The following CACNG6 variants were observed in gnomAD, a reference collection of about 807,000 sequenced individuals.
CACNG6 encodes the protein calcium voltage-gated channel auxiliary subunit gamma 6, also known as voltage-dependent calcium channel gamma-6 subunit.
A neutral mutation model predicts 23.9 loss-of-function variants in CACNG6; 21 were observed. The ratio of observed to expected loss-of-function variants is 0.88; its 90% CI spans 0.62 to 1.26. The LOEUF (loss-of-function observed/expected upper bound fraction) is 1.26. Ranked by LOEUF, CACNG6 falls within the 50% of genes most tolerant of loss-of-function variation. CACNG6 has a pLI of 0.00. For synonymous variants in CACNG6, 182 were observed against 168.9 expected (o/e 1.08, Z -0.60); for missense variants, 340 against 352.9 (o/e 0.96, Z 0.29).
At chr19:54,010,036 C>CT (rs199976621) in intron 3 of CACNG6, among the ~76,000 whole-genome samples, 8,202 of 97,492 alleles carry the variant, frequency 0.084, 623 homozygotes, top group African/African-American at 0.22. Flanking sequence ...TATTTCTTTT[C>CT]TTTCTTTTTT....
At chr19:54,008,344 T>A (rs1160605411) in intron 3 of CACNG6, among the ~76,000 whole-genome samples, 1 of 151,944 alleles carries the variant, frequency 6.6e-6, no homozygotes, top group Non-Finnish European at 1.5e-5. Context: ...CAGAGTGAGA[T>A]TCCGACTCAA....
chr19:53,997,898 C>G (rs2145955958), intron 1 of CACNG6, among the ~76,000 whole-genome samples: 1 of 152,214 alleles, frequency 6.6e-6, no homozygotes, highest in South Asian at 2.1e-4. Flanking sequence ...AAGTGATTAT[C>G]CATATGTAAT....
Position 53,993,139 on chromosome 19 carries a change from A to AC in CACNG6, c.264dup (p.Lys89GlnfsTer30). 7.1e-6 allele frequency: 11 copies of AC among 1,548,156 alleles called. No individual in the cohort carries two copies. The highest frequency in any genetic ancestry group is 9.6e-6 in the Non-Finnish European group (11 of 1,146,146). ...CCACCTGGGGCTGTGGAAGGCGTGC[A>AC]CCAAGCGGCTGTGGCAGGCGGACGT... On this transcript the variant is annotated frameshift_variant, in exon 1 of 4. Transcript: ENST00000252729. LOFTEE classifies it high-confidence loss of function.
At chr19:54,009,140 T>C (rs1298588175) in intron 3 of CACNG6, among the ~76,000 whole-genome samples, 1 of 151,730 alleles carries the variant, frequency 6.6e-6, no homozygotes, top group South Asian at 2.1e-4. Flanking sequence ...AATACAAAAA[T>C]TGCCGGGCGC....
intron 3 of CACNG6, among the ~76,000 whole-genome samples, chr19:54,001,789 GT>G (rs1206678298): frequency 6.6e-6 from 1 of 152,178 alleles, no homozygotes; most frequent in African/African-American, 2.4e-5. Flanking sequence ...GGAGACTGGT[GT>G]AAAAGATGTC....
At chr19:54,005,819 G>A (rs927990863) in intron 3 of CACNG6, among the ~76,000 whole-genome samples, 12 of 148,716 alleles carry the variant, frequency 8.1e-5, no homozygotes, top group African/African-American at 2.2e-4. Flanking sequence ...AACCAGGCGC[G>A]GTGGCTCACT....
At chr19:53,993,650 C>T (rs553731724) in intron 1 of CACNG6, among the ~76,000 whole-genome samples, 8 of 151,528 alleles carry the variant, frequency 5.3e-5, no homozygotes, top group South Asian at 2.1e-4. Flanking sequence ...TCCTGTACCC[C>T]GACTATCCTG....
In CACNG6 at chr19:53,992,942, G is replaced by A. The variant is rs534917640; in HGVS notation, c.65G>A (p.Arg22Gln). ...CGGCGGGGGGCCGCGGGCCGGCGGC[G>A]GGCGCACGGGCAGGGCAGGTCGGGG... is the stretch of plus-strand genomic sequence containing the variant. Reference protein sequence around the residue: ...NRRRGAAGRRRAHGQGRSGLT... With the variant: ...NRRRGAAGRRQAHGQGRSGLT... Residue 22 changes from arginine (R) to glutamine (Q), a missense_variant, in exon 1 of 4, where the codon CGG becomes CAG. Arg to Gln is a conservative substitution (Grantham distance 43, BLOSUM62 1). Coordinates refer to ENST00000252729, the MANE Select transcript of CACNG6 (RefSeq NM_145814.2). This position sits in a 1 kb window ranked among gnomAD's most constrained non-coding sequence, Gnocchi z 4.1. 7.3e-7 allele frequency: 1 copy of A among 1,374,978 alleles called. No homozygotes were observed. Among genetic ancestry groups the A allele is most frequent in the Non-Finnish European group, 9.4e-7 (1 of 1,066,434 alleles). The allele number at this position is 1,374,978 out of a possible 1,614,324, so 85.2% of individuals were successfully genotyped here.
Position 54,002,275 on chromosome 19 carries a change from G to GTTTTTTTTTT in CACNG6, c.544+2512_544+2513insTTTTTTTTTT, listed in dbSNP as rs1174799698. On this transcript the variant is annotated intron_variant, in intron 3 of 3. Coordinates refer to ENST00000252729, the MANE Select transcript of CACNG6 (RefSeq NM_145814.2). Reference sequence around the variant, plus strand: ...AGCCCGGCTAATTTTCGGTTTTTTTGTTTTTTTTGTTTTTTTTTTTTTTGT... The same window carrying GTTTTTTTTTT: ...AGCCCGGCTAATTTTCGGTTTTTTTGTTTTTTTTTTTTTTTTTTGTTTTTTTTTTTTTTGT... Among the ~76,000 whole-genome samples the GTTTTTTTTTT allele has an allele frequency of 2.7e-3, 316 of 116,350 alleles. 12 individuals are homozygous for GTTTTTTTTTT. Among genetic ancestry groups the GTTTTTTTTTT allele is most frequent in the African/African-American group, 0.012 (264 of 21,532 alleles). 76.3% of individuals were successfully genotyped at this position (116,350 alleles called of 152,430 possible). A position where few individuals can be genotyped will look rare whatever the true frequency, so the allele number is the denominator to read the frequency against.
In CACNG6 at chr19:54,000,586, T is replaced by C. The variant is rs79746668; in HGVS notation, c.544+815T>C. Among the ~76,000 whole-genome samples, 763 of 152,250 alleles carry C rather than the reference T, an allele frequency of 5.0e-3. 19 individuals carry two copies. The East Asian group carries it at 0.053, about 11-fold the overall frequency. On this transcript the variant is annotated intron_variant, in intron 3 of 3. Transcript: ENST00000252729. ...CTTACTATCCCCCATTTTATTTACT[T>C]ATTTATTTTTGAGACAGAGTCTCCC...
intron 3 of CACNG6, 69 bp downstream of exon 3, chr19:53,999,840 T>C (rs1213135854): frequency 3.2e-6 from 5 of 1,564,340 alleles, no homozygotes; most frequent in Non-Finnish European, 3.5e-6. Flanking sequence ...TGTTGCATGC[T>C]GGGAGATGGG....
chr19:54,005,306 A>T (rs746718931), intron 3 of CACNG6, among the ~76,000 whole-genome samples: 17 of 151,484 alleles, frequency 1.1e-4, no homozygotes, highest in Non-Finnish European at 2.1e-4. Flanking sequence ...CACGCCTGCA[A>T]TCCCAGCACT....
intron 3 of CACNG6, among the ~76,000 whole-genome samples, chr19:54,006,517 C>CTTTCTTTTTTTTTTTTTTTTTTTTT (rs2069646652): frequency 3.7e-5 from 4 of 107,332 alleles, no homozygotes; most frequent in African/African-American, 1.5e-4. Flanking sequence ...TTCCTTCTTT[C>CTTTCTTTTTTTTTTTTTTTTTTTTT]TTTTCTTTTT....
At chr19:54,009,016 C>T (rs907243156) in intron 3 of CACNG6, among the ~76,000 whole-genome samples, 15 of 152,292 alleles carry the variant, frequency 9.8e-5, no homozygotes, top group South Asian at 4.1e-4. Context: ...AGGCCGGGTG[C>T]GGCAGTTCAC....
intron 1 of CACNG6, among the ~76,000 whole-genome samples, chr19:53,996,374 T>A (rs979382953): frequency 6.7e-6 from 1 of 149,048 alleles, no homozygotes; most frequent in Admixed American, 6.9e-5. Context: ...TCTGTCTTTC[T>A]TAACTTTAAA....
intron 3 of CACNG6, among the ~76,000 whole-genome samples, chr19:54,002,465 C>T (rs1446594447): frequency 6.8e-6 from 1 of 147,146 alleles, no homozygotes; most frequent in Non-Finnish European, 1.5e-5. Context: ...TCCTCTCTCC[C>T]TCCAATCATC....
At chr19:54,003,156 T>C (rs572652125) in intron 3 of CACNG6, among the ~76,000 whole-genome samples, 105 of 152,212 alleles carry the variant, frequency 6.9e-4, no homozygotes, top group Middle Eastern at 3.4e-3. Context: ...ATGTACTTCA[T>C]ACAGAGATGT....
Position 54,012,487 on chromosome 19 carries a change from A to T in CACNG6, c.*298A>T. 7.5e-6 allele frequency: 1 copy of T among 133,380 alleles called. No homozygotes were observed. Among genetic ancestry groups the T allele is most frequent in the Non-Finnish European group, 1.5e-5 (1 of 68,376 alleles). 8.3% of individuals were successfully genotyped at this position (133,380 alleles called of 1,614,324 possible). A position where few individuals can be genotyped will look rare whatever the true frequency, so the allele number is the denominator to read the frequency against. ...GGTAGCTGGGGTGTGGGGTTGGGGG[A>T]TGAGGTCAGGGGGTCTTGGGTGGGA... is the stretch of plus-strand genomic sequence containing the variant. On this transcript the variant is annotated 3_prime_UTR_variant, in exon 4 of 4. Coordinates refer to ENST00000252729, the MANE Select transcript of CACNG6 (RefSeq NM_145814.2).
intron 2 of CACNG6, 23 bp from the exon 3 acceptor site, chr19:53,999,611 T>G (rs1600056664): frequency 6.2e-6 from 10 of 1,611,154 alleles, no homozygotes; most frequent in Non-Finnish European, 7.6e-6. Flanking sequence ...GTTCTCTGCT[T>G]CTTTCCTCTC....
Sources: allele counts gnomAD v4.1 joint callset (sites outside exome capture counted in the v4.1 genomes callset), GRCh38; gene constraint gnomAD v4.1.1; non-coding constraint Gnocchi (gnomAD v3.1); transcripts MANE v1.5; gene names NCBI Gene and HGNC (gene_info 2026-07-23, HGNC 2026-07-21).